The following ABR variants were observed in gnomAD, a reference collection of about 807,000 sequenced individuals.
ABR encodes ABR activator of RhoGEF and GTPase.
ABR carries 35 observed loss-of-function variants against 107.2 expected under a neutral mutation model. The observed-to-expected ratio is 0.33, with a 90% CI of 0.25 to 0.43. The LOEUF is 0.43. Ranked by LOEUF, ABR falls within the 20% of genes least tolerant of loss-of-function variation. The pLI is 1.00. For synonymous variants in ABR, 498 were observed against 462.0 expected (o/e 1.08, Z -1.00); for missense variants, 815 against 1,115.2 (o/e 0.73, Z 3.83).
chr17:1,009,604 G>A, intron 21 of ABR, 75 bp downstream of exon 21: 1 of 1,275,018 alleles, frequency 7.8e-7, no homozygotes, highest in Non-Finnish European at 1.1e-6. Context: ...CTGAGGAGGT[G>A]GGGTTGGGGC....
rs529196029 is a variant in ABR, at chr17:1,109,234, C to G, written c.247-8499G>C. 9.3e-5 allele frequency: 64 copies of G among 687,278 alleles called. No individual in the cohort carries two copies. The African/African-American group carries it at 1.1e-3, about 12-fold the overall frequency. 42.6% of individuals were successfully genotyped at this position (687,278 alleles called of 1,614,324 possible). On this transcript the variant is annotated intron_variant, in intron 2 of 22. Coordinates refer to ENST00000302538, the MANE Select transcript of ABR (RefSeq NM_021962.5). ...CATCCCGGACCTAGTCCAGCCCGCT[C>G]CGCCGCCGCCGCCGCCGCCTCGCGC...
intron 16 of ABR, chr17:1,031,947 T>G: frequency 1.1e-6 from 1 of 908,942 alleles, no homozygotes; most frequent in Non-Finnish European, 1.4e-6. Context: ...TTCCCCGCCC[T>G]CCGCGAGGCT....
rs138842947 is a variant in ABR at position 1,018,337 on chromosome 17, T to C, written c.1792-5173A>G. Among the ~76,000 whole-genome samples, 246 of 152,328 alleles carry C rather than the reference T, an allele frequency of 1.6e-3. 5 individuals are homozygous for C. In the East Asian group the frequency reaches 0.031, roughly 19 times the overall value. On this transcript the variant is annotated intron_variant, in intron 16 of 22. Coordinates refer to ENST00000302538, the MANE Select transcript of ABR (RefSeq NM_021962.5). The stretch of plus-strand genomic sequence containing the variant: ...GATTACGGGCGTGAGCCACCACGCC[T>C]GGCCCGGGCCCTTATTTTTTAATTG...
In ABR at chr17:1,007,329, G is replaced by A; in HGVS notation, c.2343-17C>T. The A allele has an allele frequency of 3.7e-6, 6 of 1,613,734 alleles. No homozygotes were observed. The highest frequency in any genetic ancestry group is 5.1e-6 in the Non-Finnish European group (6 of 1,179,828). On this transcript the variant is annotated splice_polypyrimidine_tract_variant and intron_variant, in intron 21 of 22. Transcript: ENST00000302538. Reference sequence around the variant, plus strand: ...TCGGCAACCCTAAGAAGGAGAAGATGGGGAGGAAAGAAGCCCTTCCTCAGC... The same window carrying A: ...TCGGCAACCCTAAGAAGGAGAAGATAGGGAGGAAAGAAGCCCTTCCTCAGC...
intron 3 of ABR, among the ~76,000 whole-genome samples, chr17:1,093,099 G>A (rs1483430137): frequency 6.6e-6 from 1 of 151,750 alleles, no homozygotes; most frequent in Non-Finnish European, 1.5e-5. Flanking sequence ...GGGATTACGG[G>A]CGTGAGCCAC....
In ABR at chr17:1,037,357, C is replaced by T. The variant is rs1289459774; in HGVS notation, c.1791+12693G>A. 6.6e-6 allele frequency among the ~76,000 whole-genome samples: 1 copy of T among 152,180 alleles called. No individual in the cohort carries two copies. Among genetic ancestry groups the T allele is most frequent in the Non-Finnish European group, 1.5e-5 (1 of 68,034 alleles). On this transcript the variant is annotated intron_variant, in intron 16 of 22. Coordinates refer to ENST00000302538, the MANE Select transcript of ABR (RefSeq NM_021962.5). This position sits in a 1 kb window ranked among gnomAD's most constrained non-coding sequence, Gnocchi z 4.6. ...CAGCCTCCCTCTGCCTGACCTCCAG[C>T]CTCTCTCTGGCCACGTCAGGCTGGT...
At chr17:1,022,637 C>T (rs1567593304) in intron 16 of ABR, 1 of 154,622 alleles carries the variant, frequency 6.5e-6, no homozygotes, top group Non-Finnish European at 1.5e-5. Flanking sequence ...GCTCCATAAA[C>T]TCTCCACACA....
rs538952396 is a variant in ABR at position 1,005,692 on chromosome 17, A to C, written c.*388T>G. 3.7e-4 allele frequency: 94 copies of C among 251,658 alleles called. 1 individual carries two copies. The highest frequency in any genetic ancestry group is 3.5e-3 in the South Asian group (64 of 18,420). The allele number at this position is 251,658 out of a possible 1,614,324, so 15.6% of individuals were successfully genotyped here. On this transcript the variant is annotated 3_prime_UTR_variant, in exon 23 of 23. Coordinates refer to ENST00000302538, the MANE Select transcript of ABR (RefSeq NM_021962.5). ...GGCAGCAGTTACACAGCGCAAAATAAAAGGCCTTGGGCTGGACTCAGGCGG... is the reference window on the plus strand; with the variant it reads ...GGCAGCAGTTACACAGCGCAAAATACAAGGCCTTGGGCTGGACTCAGGCGG...
At chr17:1,087,290 A>C (rs922996788) in intron 4 of ABR, among the ~76,000 whole-genome samples, 1 of 152,138 alleles carries the variant, frequency 6.6e-6, no homozygotes, top group Non-Finnish European at 1.5e-5. Flanking sequence ...ATGCTCCCCA[A>C]GGACCCAGAG....
At chr17:1,020,871 A>G (rs978825822) in intron 16 of ABR, among the ~76,000 whole-genome samples, 6 of 151,976 alleles carry the variant, frequency 3.9e-5, no homozygotes, top group Non-Finnish European at 8.8e-5. Context: ...CTCTGCCCGG[A>G]GGGCTGCTCC....
chr17:1,056,176 C>A (rs1018303077), intron 13 of ABR, 67 bp from the exon 14 acceptor site: 3 of 1,377,910 alleles, frequency 2.2e-6, no homozygotes, highest in East Asian at 2.3e-5. Context: ...CACCCCAGGC[C>A]GGCGGGAGGC....
At chr17:1,021,382 CCCTGCCCTCGGGGGCCGCCCCAT>C (rs2071615718) in intron 16 of ABR, among the ~76,000 whole-genome samples, 1 of 152,272 alleles carries the variant, frequency 6.6e-6, no homozygotes, top group South Asian at 2.1e-4. Context: ...CCAGGCACAG[CCCTGCCCTCGGGGGCCGCCCCAT>C]CCTGCCTCTC....
intron 1 of ABR, among the ~76,000 whole-genome samples, chr17:1,224,469 T>G (rs1194086064): frequency 1.3e-5 from 2 of 152,172 alleles, no homozygotes; most frequent in East Asian, 3.8e-4. Flanking sequence ...TCTGAAACCC[T>G]GAGACTAAGG....
At chr17:1,108,834 C>A in intron 2 of ABR, 2 of 1,376,596 alleles carry the variant, frequency 1.5e-6, no homozygotes, top group Non-Finnish European at 1.9e-6. Context: ...GGGCTTCCAC[C>A]CGGCCGCGCG....
intron 1 of ABR, among the ~76,000 whole-genome samples, chr17:1,160,269 T>C (rs1231443898): frequency 8.3e-6 from 1 of 119,824 alleles, no homozygotes; most frequent in African/African-American, 3.4e-5. Context: ...CAAAAAACAA[T>C]AACAAAAAAA....
rs368695937 is a variant in ABR, at chr17:1,167,088, G to A, written c.61+12579C>T. Among the ~76,000 whole-genome samples the A allele has an allele frequency of 3.3e-4, 50 of 152,116 alleles. 1 individual carries two copies. In the South Asian group the frequency reaches 8.7e-3, roughly 27 times the overall value. Reference sequence around the variant, plus strand: ...AAAATGTGCATGTCCATCATGGCACGGGGGCTGGGGGACCCCGTGATACCC... The same window carrying A: ...AAAATGTGCATGTCCATCATGGCACAGGGGCTGGGGGACCCCGTGATACCC... On this transcript the variant is annotated intron_variant, in intron 1 of 22. Transcript: ENST00000302538.
intron 1 of ABR, among the ~76,000 whole-genome samples, chr17:1,167,842 C>T (rs201125026): frequency 1.3e-5 from 2 of 152,212 alleles, no homozygotes; most frequent in East Asian, 3.8e-4. Context: ...AAACACTGTG[C>T]AGGTAAACAC....
At chr17:1,185,833 A>G (rs1164841053) in intron 1 of ABR, among the ~76,000 whole-genome samples, 1 of 151,408 alleles carries the variant, frequency 6.6e-6, no homozygotes, top group Non-Finnish European at 1.5e-5. Context: ...AGCATTTACT[A>G]TTCTTTTTTT....
chr17:1,091,913 C>A, intron 3 of ABR, 63 bp from the exon 4 acceptor site: 2 of 1,517,798 alleles, frequency 1.3e-6, no homozygotes, highest in South Asian at 2.5e-5. Flanking sequence ...TGTCGGCAGG[C>A]CCCGGGGCCG....
Sources: allele counts gnomAD v4.1 joint callset (sites outside exome capture counted in the v4.1 genomes callset), GRCh38; gene constraint gnomAD v4.1.1; non-coding constraint Gnocchi (gnomAD v3.1); transcripts MANE v1.5; gene names NCBI Gene and HGNC (gene_info 2026-07-23, HGNC 2026-07-21).